Variants in TONSL observed in about 807,000 individuals in gnomAD.
The protein encoded by TONSL is tonsoku-like protein.
A neutral mutation model predicts 147.1 loss-of-function variants in TONSL; 112 were observed. That is an observed-to-expected ratio of 0.76 (90% CI 0.65 to 0.89). TONSL has a LOEUF of 0.89. Among genes scored for constraint, TONSL ranks in the 40% least tolerant of loss-of-function variants. The probability of loss-of-function intolerance (pLI) is 0.00; values close to 1 mark genes in which losing one functional copy is unlikely to be tolerated. For missense variants in TONSL, 1,883 were observed against 1,864.6 expected, an observed-to-expected ratio of 1.01 and a Z score of -0.18; for synonymous variants, 868 against 801.5, an observed-to-expected ratio of 1.08 and a Z score of -1.40.
chr8:144,433,618 G>A lies in TONSL; in HGVS notation c.3529C>T (p.His1177Tyr). The A allele has an allele frequency of 1.2e-6, 2 of 1,613,526 alleles. No homozygotes were observed. Among genetic ancestry groups the A allele is most frequent in the Non-Finnish European group, 8.5e-7 (1 of 1,179,982 alleles). The change falls in exon 22 of 26, where the codon CAC becomes TAC. Residue 1177 changes from histidine (H) to tyrosine (Y), a missense_variant. By Grantham distance (83) the His-to-Tyr change is moderately conservative (BLOSUM62 2). Coordinates refer to ENST00000409379, the MANE Select transcript of TONSL (RefSeq NM_013432.5). ...AAAGCACTACCCAGTGCTGTCTGGT[G>A]GCTCAGAAAGAAGCTGGGGCCGAAG... ...CGFGPSFFLS[H>Y]QTALGSAFQD...
Position 144,430,498 on chromosome 8 carries a change from C to G in TONSL, c.3849G>C (p.Leu1283=). ...SLCPSLISLD[L]SANPEISCAS... is the part of the protein sequence containing the mutation. Reference sequence around the variant, plus strand: ...CACAGCTGATCTCAGGGTTGGCAGACAGATCCAGTGAGATGAGTGAGGGGC... The same window carrying G: ...CACAGCTGATCTCAGGGTTGGCAGAGAGATCCAGTGAGATGAGTGAGGGGC... Residue 1283 remains leucine (L), a synonymous_variant, in exon 25 of 26, where the codon CTG becomes CTC. Coordinates refer to ENST00000409379, the MANE Select transcript of TONSL (RefSeq NM_013432.5). 1 of 1,613,506 alleles carries G rather than the reference C, an allele frequency of 6.2e-7. No individual in the cohort carries two copies.
rs1823795425 is a variant in TONSL at position 144,443,487 on chromosome 8, C to G, written c.265-166G>C. The stretch of plus-strand genomic sequence containing the variant: ...GTGCCCCTCCTCTGCATGCCAAGGG[C>G]TCTCTGTGGTGACAGTGGCTTCACG... On this transcript the variant is annotated intron_variant, in intron 3 of 25. Transcript: ENST00000409379. 10 of 687,582 alleles carry G rather than the reference C, an allele frequency of 1.5e-5. No homozygotes were observed. The South Asian group carries it at 1.7e-4, about 12-fold the overall frequency. 42.6% of individuals were successfully genotyped at this position (687,582 alleles called of 1,614,324 possible). A position where few individuals can be genotyped will look rare whatever the true frequency, so the allele number is the denominator to read the frequency against.
intron 23 of TONSL, 23 bp from the exon 24 acceptor site, chr8:144,431,174 GGGGGC>G: frequency 6.2e-7 from 1 of 1,613,424 alleles, no homozygotes; most frequent in Non-Finnish European, 8.5e-7. Flanking sequence ...AGAGGCCCAA[GGGGGC>G]CAAACGGAGT....
At chr8:144,431,615 C>G (rs990033050) in intron 23 of TONSL, among the ~76,000 whole-genome samples, 9 of 150,152 alleles carry the variant, frequency 6.0e-5, no homozygotes, top group African/African-American at 2.2e-4. Context: ...CCCGGGTTCA[C>G]GCTGTTCTCC....
chr8:144,442,052 G>C lies in TONSL; in HGVS notation c.850C>G (p.Gln284Glu). 3 of 1,612,768 alleles carry C rather than the reference G, an allele frequency of 1.9e-6. No individual in the cohort carries two copies. The highest frequency in any genetic ancestry group is 1.7e-4 in the Middle Eastern group (1 of 6,032). The part of the protein sequence containing the change: ...QKPVQRAAIC[Q>E]NLQHVLAVVR... ...CCAGGCTCACCATGCTGGAGGTTCTGACAGATGGCTGCCCTCTGCACAGGC... is the reference window on the plus strand; with the variant it reads ...CCAGGCTCACCATGCTGGAGGTTCTCACAGATGGCTGCCCTCTGCACAGGC... The change falls in exon 7 of 26, where the codon CAG (glutamine) becomes GAG (glutamate). Residue 284 changes from glutamine to glutamate, a missense_variant. Transcript: ENST00000409379.
In TONSL at chr8:144,442,661, C is replaced by T. The variant is rs374044396; in HGVS notation, c.578+16G>A. 22 of 1,608,042 alleles carry T rather than the reference C, an allele frequency of 1.4e-5. No individual in the cohort carries two copies. Among genetic ancestry groups the T allele is most frequent in the Non-Finnish European group, 1.9e-5 (22 of 1,177,792 alleles). On this transcript the variant is annotated intron_variant, in intron 5 of 25. Transcript: ENST00000409379. ...CAAGGGACTCCACTCCCTCCTGGGG[C>T]GGGGCAGGGCCTTACTCCGCAAGGA...
chr8:144,432,708 G>A, intron 22 of TONSL: 1 of 413,174 alleles, frequency 2.4e-6, no homozygotes, highest in Non-Finnish European at 4.3e-6. Context: ...CAACCACACG[G>A]TCCTGGGCCA....
rs1164156880 is a variant in TONSL, at chr8:144,440,742, C to A, written c.1140G>T (p.Arg380Ser). The change falls in exon 9 of 26, where the codon AGG becomes AGT. Residue 380 changes from arginine to serine, a missense_variant. Transcript: ENST00000409379. ...CCTCCAGCACGTTGCCGCTGCGCAG[C>A]CTCAGTTCCTCCTCATAGTGGCGCA... is the stretch of plus-strand genomic sequence containing the variant. ...GAVRHYEEEL[R>S]LRSGNVLEEA... The A allele has an allele frequency of 1.2e-6, 2 of 1,612,680 alleles. No individual in the cohort carries two copies. The highest frequency in any genetic ancestry group is 8.5e-7 in the Non-Finnish European group (1 of 1,179,916).
intron 23 of TONSL, 91 bp downstream of exon 23, chr8:144,432,194 C>T (rs1201386024): frequency 1.5e-5 from 21 of 1,415,504 alleles, no homozygotes; most frequent in African/African-American, 2.9e-5. Context: ...GAGTTCAGCC[C>T]GAATCTGGGG....
intron 8 of TONSL, 22 bp from the exon 9 acceptor site, chr8:144,440,892 C>T: frequency 6.2e-7 from 1 of 1,612,516 alleles, no homozygotes; most frequent in Non-Finnish European, 8.5e-7. Context: ...GCCAGTGAGG[C>T]CAGGGGCTGC....
Position 144,436,418 on chromosome 8 carries a change from T to C in TONSL, c.2015A>G (p.Asp672Gly). ...MLLQAAASGQ[D>G]PHSSQAFHTP... is the part of the protein sequence containing the mutation. ...GTGGAAGGCCTGGGAGCTGTGGGGA[T>C]CTGTGGGAGAGAGAATGCGTGTTGA... is the stretch of plus-strand genomic sequence containing the variant. Residue 672 changes from aspartate (D) to glycine (G), a missense_variant and splice_region_variant, in exon 17 of 26, where the codon GAT becomes GGT. Asp to Gly is a moderately conservative substitution (Grantham distance 94). Coordinates refer to ENST00000409379, the MANE Select transcript of TONSL (RefSeq NM_013432.5). The C allele has an allele frequency of 6.6e-7, 1 of 1,514,234 alleles. No homozygotes were observed. Among genetic ancestry groups the C allele is most frequent in the East Asian group, 2.3e-5 (1 of 44,004 alleles). 93.8% of individuals were successfully genotyped at this position (1,514,234 alleles called of 1,614,324 possible).
At position 144,442,846 on chromosome 8, in the gene TONSL, C is replaced by G. The variant is rs181641120; in HGVS notation, c.449-40G>C. 1.1e-3 allele frequency: 1,712 copies of G among 1,585,254 alleles called. 21 individuals are homozygous for G. The highest frequency in any genetic ancestry group is 3.0e-3 in the Middle Eastern group (16 of 5,298). ...CCCAAACACTCAGCCACTTCCTCCC[C>G]ACATGGGGTTTCCAGCTTTGGGCCC... On this transcript the variant is annotated intron_variant, in intron 4 of 25. Coordinates refer to ENST00000409379, the MANE Select transcript of TONSL (RefSeq NM_013432.5).
chr8:144,433,248 T>C (rs954527034), intron 22 of TONSL: 5 of 197,604 alleles, frequency 2.5e-5, no homozygotes, highest in Non-Finnish European at 5.3e-5. Flanking sequence ...GCCCAGCTAA[T>C]TGTATTTTTA....
In TONSL at chr8:144,436,405, G is replaced by A. The variant is rs1454975010; in HGVS notation, c.2028C>T (p.Ser676=). Residue 676 remains serine (S), a synonymous_variant, in exon 17 of 26, where the codon TCC becomes TCT. Transcript: ENST00000409379. ...GGCTGCTTGGGGTGTGGAAGGCCTGGGAGCTGTGGGGATCTGTGGGAGAGA... is the reference window on the plus strand; with the variant it reads ...GGCTGCTTGGGGTGTGGAAGGCCTGAGAGCTGTGGGGATCTGTGGGAGAGA... ...AAASGQDPHS[S]QAFHTPSSLL... is the part of the protein sequence containing the mutation. 6 of 1,508,822 alleles carry A rather than the reference G, an allele frequency of 4.0e-6. No individual in the cohort carries two copies. The East Asian group carries it at 9.1e-5, about 23-fold the overall frequency. The allele number at this position is 1,508,822 out of a possible 1,614,324, so 93.5% of individuals were successfully genotyped here.
At chr8:144,436,444 G>T in intron 16 of TONSL, 26 bp from the exon 17 acceptor site, 1 of 1,528,890 alleles carries the variant, frequency 6.5e-7, no homozygotes, top group Non-Finnish European at 8.8e-7. Flanking sequence ...TGCGTGTTGA[G>T]GCAGGGGCCC....
intron 19 of TONSL, 41 bp downstream of exon 19, chr8:144,434,976 G>A (rs943725477): frequency 1.9e-5 from 31 of 1,610,988 alleles, no homozygotes; most frequent in Middle Eastern, 1.6e-4. Context: ...GGGGGCTCCC[G>A]GTGCCTGAGG....
rs1271700286 is a variant in TONSL, at chr8:144,440,201, A to G, written c.1300T>C (p.Leu434=). 6.3e-7 allele frequency: 1 copy of G among 1,595,976 alleles called. No homozygotes were observed. Among genetic ancestry groups the G allele is most frequent in the Non-Finnish European group, 8.5e-7 (1 of 1,171,542 alleles). Residue 434 remains leucine (L), a synonymous_variant, in exon 11 of 26, where the codon TTG becomes CTG. Transcript: ENST00000409379. ...AGCTGCACGGTATGGAGATGCTGCA[A>G]GACCTGCCTCTGAGGAGCAGAGGGA... ...AQRPQLQRQV[L]QHLHTVQLRL... is the part of the protein sequence containing the mutation.
At chr8:144,440,497 G>T in intron 9 of TONSL, 21 bp from the exon 10 acceptor site, 1 of 1,580,988 alleles carries the variant, frequency 6.3e-7, no homozygotes. Flanking sequence ...AGGAAGGACA[G>T]GGTCGGGGGC....
chr8:144,431,193 G>T, intron 23 of TONSL, 42 bp from the exon 24 acceptor site: 1 of 1,598,218 alleles, frequency 6.3e-7, no homozygotes, highest in South Asian at 1.1e-5. Context: ...ACGGAGTGGC[G>T]CACCTGCCCT....
Sources: allele counts gnomAD v4.1 joint callset (sites outside exome capture counted in the v4.1 genomes callset), GRCh38; gene constraint gnomAD v4.1.1; transcripts MANE v1.5; gene names NCBI Gene and HGNC (gene_info 2026-07-23, HGNC 2026-07-21).